CAPN2: variants seen among roughly 807,000 people sequenced by gnomAD.
The protein encoded by CAPN2 is calpain-2 catalytic subunit.
Under a neutral mutation model 102.3 loss-of-function variants are expected in CAPN2, and 92 were observed. The observed-to-expected ratio is 0.90, with a 90% CI of 0.76 to 1.07. The LOEUF (loss-of-function observed/expected upper bound fraction) is 1.07. Ranked by LOEUF, CAPN2 falls within the 50% of genes least tolerant of loss-of-function variation. The probability of loss-of-function intolerance (pLI) is 0.00; values close to 1 mark genes in which losing one functional copy is unlikely to be tolerated. For synonymous variants in CAPN2, 340 were observed against 355.4 expected (o/e 0.96, Z 0.49); for missense variants, 800 against 909.4 (o/e 0.88, Z 1.55).
chr1:223,766,028 C>G (rs1033742694), intron 15 of CAPN2, among the ~76,000 whole-genome samples: 14 of 152,204 alleles, frequency 9.2e-5, no homozygotes, highest in African/African-American at 2.4e-4. Context: ...AACACACCTG[C>G]TCTCTGTTTT....
intron 20 of CAPN2, among the ~76,000 whole-genome samples, chr1:223,774,206 C>A (rs532194558): frequency 6.6e-6 from 1 of 151,886 alleles, no homozygotes; most frequent in Non-Finnish European, 1.5e-5. Context: ...CCACTCCCTC[C>A]GCATCTCCTC....
chr1:223,736,279 A>G (rs1660454363), intron 2 of CAPN2, among the ~76,000 whole-genome samples: 1 of 152,234 alleles, frequency 6.6e-6, no homozygotes, highest in South Asian at 2.1e-4. Flanking sequence ...GAGCAAAGCC[A>G]GCCAAAGGGG....
intron 1 of CAPN2, among the ~76,000 whole-genome samples, chr1:223,713,257 G>T (rs1659790472): frequency 6.6e-6 from 1 of 152,216 alleles, no homozygotes; most frequent in Admixed American, 6.5e-5. Flanking sequence ...GGTCTGCAGG[G>T]AAGGGACGGT....
intron 16 of CAPN2, among the ~76,000 whole-genome samples, chr1:223,769,341 G>A (rs1023484704): frequency 1.3e-5 from 2 of 151,986 alleles, no homozygotes; most frequent in African/African-American, 2.4e-5. Context: ...GGCTGGTGTC[G>A]AATTCCTGAC....
chr1:223,737,270 A>G (rs1469137654), intron 2 of CAPN2, among the ~76,000 whole-genome samples: 1 of 152,016 alleles, frequency 6.6e-6, no homozygotes, highest in Non-Finnish European at 1.5e-5. Context: ...GTCTTCCAGG[A>G]CAGAAGCATG....
chr1:223,714,450 A>C (rs922558539), intron 1 of CAPN2, among the ~76,000 whole-genome samples: 4 of 152,072 alleles, frequency 2.6e-5, no homozygotes, highest in African/African-American at 9.7e-5. Flanking sequence ...TGGATGCAGG[A>C]TTGTAATGTG....
In CAPN2 at chr1:223,759,163, G is replaced by T. The variant is rs1458897171; in HGVS notation, c.1318-107G>T. On this transcript the variant is annotated intron_variant, in intron 11 of 20. Coordinates refer to ENST00000295006, the MANE Select transcript of CAPN2 (RefSeq NM_001748.5). The surrounding 1 kb of genome is among the most constrained non-coding windows in gnomAD (Gnocchi z 4.6). ...GCCTCCTTATACACCAGGACAGCAGGACTGAGCCACCACACTACCCAACTG... is the reference window on the plus strand; with the variant it reads ...GCCTCCTTATACACCAGGACAGCAGTACTGAGCCACCACACTACCCAACTG... 2 of 1,045,934 alleles carry T rather than the reference G, an allele frequency of 1.9e-6. No individual in the cohort carries two copies. Among genetic ancestry groups the T allele is most frequent in the Admixed American group, 1.9e-5 (1 of 51,650 alleles). The allele number at this position is 1,045,934 out of a possible 1,614,324, so 64.8% of individuals were successfully genotyped here.
chr1:223,759,357 CG>C lies in CAPN2; in HGVS notation c.1408del (p.Glu470ArgfsTer88), dbSNP rs1205310109. 6.2e-7 allele frequency: 1 copy of C among 1,614,098 alleles called. No homozygotes were observed. The highest frequency in any genetic ancestry group is 8.5e-7 in the Non-Finnish European group (1 of 1,180,052). On this transcript the variant is annotated frameshift_variant, in exon 12 of 21. Coordinates refer to ENST00000295006, the MANE Select transcript of CAPN2 (RefSeq NM_001748.5). LOFTEE classifies it high-confidence loss of function. The surrounding 1 kb of genome is among the most constrained non-coding windows in gnomAD (Gnocchi z 4.6). ...RERSDTFINLREVLNRFKLPP... is the reference protein window; with the variant it reads ...RERSDTFINLXEVLNRFKLPP... ...GCGCTCAGACACCTTCATCAACCTCCGGGAGGTGCTCAACCGCTTCAAGCTG... is the reference window on the plus strand; with the variant it reads ...GCGCTCAGACACCTTCATCAACCTCCGGAGGTGCTCAACCGCTTCAAGCTG...
At chr1:223,709,279 G>T (rs943446895), upstream of CAPN2, among the ~76,000 whole-genome samples, 2 of 152,062 alleles carry the variant, frequency 1.3e-5, no homozygotes, top group South Asian at 4.1e-4. Flanking sequence ...AATAGATGGG[G>T]GCAGAGGAAT....
At chr1:223,749,287 C>A (rs1660828899) in intron 6 of CAPN2, 165 bp downstream of exon 6, 1 of 625,416 alleles carries the variant, frequency 1.6e-6, no homozygotes. Flanking sequence ...GCGTCCCTTT[C>A]GCAGCTCGGG....
intron 11 of CAPN2, chr1:223,758,967 A>G: frequency 2.6e-6 from 1 of 391,140 alleles, no homozygotes; most frequent in South Asian, 2.3e-5. Flanking sequence ...CTGGTATTAC[A>G]GGCGTGAGCC....
At chr1:223,752,707 G>GCTCT (rs1660933311) in intron 8 of CAPN2, 89 bp from the exon 9 acceptor site, 1 of 1,286,636 alleles carries the variant, frequency 7.8e-7, no homozygotes, top group Admixed American at 1.8e-5. Context: ...GCCTGGCTTT[G>GCTCT]GGTGGCTCCT....
intron 2 of CAPN2, among the ~76,000 whole-genome samples, chr1:223,723,631 C>T (rs1045738647): frequency 3.3e-5 from 5 of 152,032 alleles, no homozygotes; most frequent in African/African-American, 4.8e-5. Flanking sequence ...ATCTTAGAGA[C>T]GAGATGAGAC....
At position 223,744,098 on chromosome 1, in the gene CAPN2, A is replaced by G. The variant is rs61729462; in HGVS notation, c.308-2A>G. 6.2e-7 allele frequency: 1 copy of G among 1,603,932 alleles called. No individual in the cohort carries two copies. The highest frequency in any genetic ancestry group is 8.5e-7 in the Non-Finnish European group (1 of 1,170,706). On this transcript the variant is annotated splice_acceptor_variant, in intron 2 of 20. Coordinates refer to ENST00000295006, the MANE Select transcript of CAPN2 (RefSeq NM_001748.5). LOFTEE classifies it high-confidence loss of function. ...TAAGAGCTCCTTGTGCTGTGTTCAC[A>G]GGTGACTGCTGGCTGCTGGCAGCCA...
chr1:223,721,039 T>G (rs1236950974), intron 2 of CAPN2, among the ~76,000 whole-genome samples: 1 of 152,228 alleles, frequency 6.6e-6, no homozygotes, highest in African/African-American at 2.4e-5. Context: ...CTGCCCTGTT[T>G]ACTGTGCTGC....
chr1:223,751,552 C>T (rs1348810433), intron 7 of CAPN2, among the ~76,000 whole-genome samples: 1 of 151,846 alleles, frequency 6.6e-6, no homozygotes, highest in East Asian at 1.9e-4. Context: ...TGTGCACTGC[C>T]CCTGTGTACA....
rs1660824625 is a variant in CAPN2 at position 223,749,138 on chromosome 1, G to A, written c.813+16G>A. On this transcript the variant is annotated intron_variant, in intron 6 of 20. Transcript: ENST00000295006. ...AGCCGAGGAGGTAACGGCCGGCGCG[G>A]ATGTGCAGGGGTCCTGCTGTCCTGA... 6.2e-7 allele frequency: 1 copy of A among 1,608,826 alleles called. No individual in the cohort carries two copies. The highest frequency in any genetic ancestry group is 1.3e-5 in the African/African-American group (1 of 74,830).
At position 223,754,354 on chromosome 1, in the gene CAPN2, C is replaced by T. The variant is rs1045319382; in HGVS notation, c.1136-1126C>T. Reference sequence around the variant, plus strand: ...GCCCTCTGCCCCCCACAAGGGACCCCTCCTACCCACTAGATCAGGAGTCGG... The same window carrying T: ...GCCCTCTGCCCCCCACAAGGGACCCTTCCTACCCACTAGATCAGGAGTCGG... On this transcript the variant is annotated intron_variant, in intron 9 of 20. Coordinates refer to ENST00000295006, the MANE Select transcript of CAPN2 (RefSeq NM_001748.5). The surrounding 1 kb of genome is among the most constrained non-coding windows in gnomAD (Gnocchi z 4.7). Among the ~76,000 whole-genome samples the T allele has an allele frequency of 1.3e-5, 2 of 152,230 alleles. No individual in the cohort carries two copies. Among genetic ancestry groups the T allele is most frequent in the African/African-American group, 4.8e-5 (2 of 41,456 alleles).
intron 2 of CAPN2, among the ~76,000 whole-genome samples, chr1:223,724,881 G>T (rs1660148651): frequency 6.6e-6 from 1 of 152,230 alleles, no homozygotes; most frequent in South Asian, 2.1e-4. Flanking sequence ...GCTGAGGTGG[G>T]AGGATCACTT....
Sources: allele counts gnomAD v4.1 joint callset (sites outside exome capture counted in the v4.1 genomes callset), GRCh38; gene constraint gnomAD v4.1.1; non-coding constraint Gnocchi (gnomAD v3.1); transcripts MANE v1.5; gene names NCBI Gene and HGNC (gene_info 2026-07-23, HGNC 2026-07-21).